FAF1: variants seen among roughly 807,000 people sequenced by gnomAD.
FAF1 encodes the protein Fas associated factor 1.
Under a neutral mutation model 92.5 loss-of-function variants are expected in FAF1, and 25 were observed. That is an observed-to-expected ratio of 0.27 (90% CI 0.20 to 0.38). The LOEUF is 0.38. FAF1 is among the 10% of genes least tolerant of loss of function. FAF1 has a pLI of 1.00. For synonymous variants in FAF1, 234 were observed against 273.2 expected, an observed-to-expected ratio of 0.86 and a Z score of 1.42; for missense variants, 636 against 793.3, an observed-to-expected ratio of 0.80 and a Z score of 2.38.
chr1:50,494,706 C>A (rs1646878770), intron 15 of FAF1, among the ~76,000 whole-genome samples: 1 of 152,200 alleles, frequency 6.6e-6, no homozygotes, highest in African/African-American at 2.4e-5. Flanking sequence ...CTGAGCTGTA[C>A]ACTCCCAGGG....
At chr1:50,937,369 A>G (rs59844445) in intron 1 of FAF1, among the ~76,000 whole-genome samples, 1,588 of 152,150 alleles carry the variant, frequency 0.01, 25 homozygotes, top group African/African-American at 0.036. Context: ...TAGGACTTAG[A>G]TAAGAGTTAA....
At chr1:50,630,719 C>T (rs1653735366) in intron 8 of FAF1, among the ~76,000 whole-genome samples, 1 of 151,476 alleles carries the variant, frequency 6.6e-6, no homozygotes, top group Non-Finnish European at 1.5e-5. Context: ...AAAAGTGTAT[C>T]ATATAATAAT....
At chr1:50,864,374 A>T (rs1644462451) in intron 1 of FAF1, among the ~76,000 whole-genome samples, 1 of 151,866 alleles carries the variant, frequency 6.6e-6, no homozygotes, top group Non-Finnish European at 1.5e-5. Context: ...CACTGCTTTG[A>T]ATGTGTCCCA....
chr1:50,489,375 T>C (rs1646803860), intron 17 of FAF1, among the ~76,000 whole-genome samples: 1 of 152,234 alleles, frequency 6.6e-6, no homozygotes, highest in South Asian at 2.1e-4. Flanking sequence ...TTTCCATTGC[T>C]TGTTAGATGG....
At chr1:50,682,093 C>T (rs1476352929) in intron 7 of FAF1, among the ~76,000 whole-genome samples, 1 of 152,058 alleles carries the variant, frequency 6.6e-6, no homozygotes, top group East Asian at 2.0e-4. Context: ...CTTTGGCCTC[C>T]CAAAGTGAAG....
At chr1:50,942,846 GT>G (rs1202630886) in intron 1 of FAF1, among the ~76,000 whole-genome samples, 1 of 151,780 alleles carries the variant, frequency 6.6e-6, no homozygotes, top group Non-Finnish European at 1.5e-5. Flanking sequence ...CATGGATTGC[GT>G]TACGGGAGAG....
At chr1:50,878,188 T>C (rs138103591) in intron 1 of FAF1, among the ~76,000 whole-genome samples, 14 of 152,368 alleles carry the variant, frequency 9.2e-5, no homozygotes, top group African/African-American at 2.4e-4. Flanking sequence ...AATATAACAT[T>C]AAATTTAGAA....
intron 4 of FAF1, among the ~76,000 whole-genome samples, chr1:50,771,318 C>T (rs989048382): frequency 1.3e-5 from 2 of 152,078 alleles, no homozygotes; most frequent in African/African-American, 4.8e-5. Flanking sequence ...ATCACACAAC[C>T]TACAGAATGG....
chr1:50,889,156 G>A (rs1476137109), intron 1 of FAF1, among the ~76,000 whole-genome samples: 3 of 152,204 alleles, frequency 2.0e-5, no homozygotes, highest in African/African-American at 2.4e-5. Context: ...TTGCGTAGAG[G>A]TGTTTACAGT....
chr1:50,718,227 C>T (rs1332385364), intron 6 of FAF1, among the ~76,000 whole-genome samples: 1 of 152,072 alleles, frequency 6.6e-6, no homozygotes, highest in Non-Finnish European at 1.5e-5. Flanking sequence ...GACAGAGTTT[C>T]ACCATGTTGA....
intron 13 of FAF1, among the ~76,000 whole-genome samples, chr1:50,545,661 T>G (rs1032536809): frequency 1.3e-5 from 2 of 152,128 alleles, no homozygotes; most frequent in Admixed American, 1.3e-4. Flanking sequence ...TTTGGCAAGG[T>G]TACAGGAAAA....
At chr1:50,827,335 C>T (rs528277011) in intron 2 of FAF1, among the ~76,000 whole-genome samples, 28 of 152,322 alleles carry the variant, frequency 1.8e-4, no homozygotes, top group Admixed American at 1.6e-3. Flanking sequence ...TTACCCCCAA[C>T]TCCGTGCCCT....
chr1:50,460,315 C>CT (rs936503048), intron 18 of FAF1, among the ~76,000 whole-genome samples: 8 of 152,042 alleles, frequency 5.3e-5, no homozygotes, highest in Admixed American at 1.3e-4. Flanking sequence ...TTCAAAATGT[C>CT]TTTTTTTGCA....
intron 18 of FAF1, chr1:50,469,427 G>T (rs954924035): frequency 1.3e-5 from 2 of 152,288 alleles, no homozygotes; most frequent in East Asian, 3.9e-4. Flanking sequence ...GAGGTCTCTT[G>T]TTTCTTTCAG....
chr1:50,912,902 G>A (rs920887102), intron 1 of FAF1, among the ~76,000 whole-genome samples: 12 of 152,146 alleles, frequency 7.9e-5, no homozygotes, highest in Non-Finnish European at 1.5e-4. Context: ...ACTGAATTCT[G>A]ATAAACTATG....
rs61468246 is a variant in FAF1 at position 50,576,641 on chromosome 1, C to G, written c.1113+5977G>C. Among the ~76,000 whole-genome samples, 343 of 148,210 alleles carry G rather than the reference C, an allele frequency of 2.3e-3. 1 individual carries two copies. The highest frequency in any genetic ancestry group is 5.0e-3 in the South Asian group (23 of 4,604). Reference sequence around the variant, plus strand: ...AGACTCATCTCCGCACCGCCCCCCCCCCGCCACCACCCCTGCACCAAGATA... The same window carrying G: ...AGACTCATCTCCGCACCGCCCCCCCGCCGCCACCACCCCTGCACCAAGATA... On this transcript the variant is annotated intron_variant, in intron 12 of 18. Coordinates refer to ENST00000396153, the MANE Select transcript of FAF1 (RefSeq NM_007051.3).
At chr1:50,822,774 C>CTTTCTTTTT (rs1553143377) in intron 2 of FAF1, among the ~76,000 whole-genome samples, 1 of 125,234 alleles carries the variant, frequency 8.0e-6, no homozygotes, top group African/African-American at 3.2e-5. Context: ...TTCTTTCTTT[C>CTTTCTTTTT]TTTTTTTTTT....
At chr1:50,642,054 T>C (rs1265588548) in intron 8 of FAF1, among the ~76,000 whole-genome samples, 1 of 151,920 alleles carries the variant, frequency 6.6e-6, no homozygotes, top group Non-Finnish European at 1.5e-5. Flanking sequence ...ATACAAAAAA[T>C]CAACCAGGCA....
At chr1:50,934,701 G>A (rs1266125842) in intron 1 of FAF1, among the ~76,000 whole-genome samples, 1 of 152,160 alleles carries the variant, frequency 6.6e-6, no homozygotes, top group Non-Finnish European at 1.5e-5. Flanking sequence ...TCCAGCCTGG[G>A]TGACACAGTG....
Sources: gnomAD v4.1 joint callset for allele counts (sites outside exome capture counted in the v4.1 genomes callset) on GRCh38, gnomAD v4.1.1 for gene constraint, MANE v1.5 for transcripts, NCBI Gene and HGNC (gene_info 2026-07-23, HGNC 2026-07-21) for gene names.